Variants in KRABD5 observed in about 807,000 individuals in gnomAD.
KRABD5 encodes KRAB domain containing 5.
the KRABD5 span, chr16:31,722,892 G>T: frequency 3.9e-6 from 4 of 1,029,080 alleles, no homozygotes; most frequent in Non-Finnish European, 5.3e-6. Context: ...AAAATTGTGG[G>T]TTTGTTGTAG....
chr16:31,723,136 C>T, the KRABD5 span: 5 of 1,049,316 alleles, frequency 4.8e-6, no homozygotes, highest in African/African-American at 8.3e-5. Flanking sequence ...TGACAGGAAA[C>T]AGTATTTGGG....
chr16:31,733,547 C>G, the KRABD5 span: 1 of 456,172 alleles, frequency 2.2e-6, no homozygotes. Flanking sequence ...ACAAATTGTC[C>G]TTTCCACACT....
At chr16:31,749,705 CCT>C in the KRABD5 span, among the ~76,000 whole-genome samples, 2 of 152,198 alleles carry the variant, frequency 1.3e-5, no homozygotes, top group Non-Finnish European at 2.9e-5. Context: ...GCTCTCCTCC[CCT>C]GTGTGGCTCT....
the KRABD5 span, chr16:31,723,128 A>G: frequency 1.0e-6 from 1 of 988,534 alleles, no homozygotes; most frequent in Non-Finnish European, 1.5e-6. Context: ...AAAGAAGCTG[A>G]CAGGAAACAG....
the KRABD5 span, among the ~76,000 whole-genome samples, chr16:31,746,564 G>A: frequency 8.5e-5 from 13 of 152,086 alleles, no homozygotes; most frequent in Admixed American, 6.6e-4. Flanking sequence ...CCTTCATTTC[G>A]ACCTTGGAGA....
chr16:31,718,179 T>G, the KRABD5 span, among the ~76,000 whole-genome samples: 1 of 152,144 alleles, frequency 6.6e-6, no homozygotes, highest in Non-Finnish European at 1.5e-5. Context: ...TAGCTCCAAA[T>G]GTTGAACCCA....
At chr16:31,728,354 T>C in the KRABD5 span, among the ~76,000 whole-genome samples, 1 of 152,162 alleles carries the variant, frequency 6.6e-6, no homozygotes, top group African/African-American at 2.4e-5. Context: ...ATTTTGTTCA[T>C]GTTCAAGTTT....
the KRABD5 span, among the ~76,000 whole-genome samples, chr16:31,734,133 A>ATG: frequency 6.6e-6 from 1 of 151,878 alleles, no homozygotes; most frequent in African/African-American, 2.4e-5. Flanking sequence ...AATTATATAT[A>ATG]TGTGTGTGTG....
the KRABD5 span, among the ~76,000 whole-genome samples, chr16:31,721,924 T>G: frequency 6.6e-6 from 1 of 152,236 alleles, no homozygotes; most frequent in Non-Finnish European, 1.5e-5. Context: ...CTGCAGTTTA[T>G]TGCTGAACAC....
chr16:31,752,144 T>TA, the KRABD5 span, among the ~76,000 whole-genome samples: 1 of 152,248 alleles, frequency 6.6e-6, no homozygotes, highest in African/African-American at 2.4e-5. Context: ...TTTTTCTTTT[T>TA]AATTTATTGA....
At chr16:31,741,116 A>G in the KRABD5 span, among the ~76,000 whole-genome samples, 213 of 152,232 alleles carry the variant, frequency 1.4e-3, no homozygotes, top group Middle Eastern at 0.014. Context: ...TAACAGCTGC[A>G]TCCATGTTGT....
chr16:31,742,146 C>A, the KRABD5 span, among the ~76,000 whole-genome samples: 3 of 149,872 alleles, frequency 2.0e-5, no homozygotes, highest in Non-Finnish European at 4.4e-5. Context: ...TTCCATCGGT[C>A]TGTGTGTCCT....
the KRABD5 span, among the ~76,000 whole-genome samples, chr16:31,734,013 C>A: frequency 6.6e-6 from 1 of 152,212 alleles, no homozygotes; most frequent in Non-Finnish European, 1.5e-5. Context: ...CATGACCAAG[C>A]TTTCCACTTC....
the KRABD5 span, among the ~76,000 whole-genome samples, chr16:31,726,902 C>T: frequency 6.6e-6 from 1 of 152,104 alleles, no homozygotes; most frequent in African/African-American, 2.4e-5. Flanking sequence ...ATTAATTTTT[C>T]CAGTCCATGA....
the KRABD5 span, among the ~76,000 whole-genome samples, chr16:31,738,680 A>T: frequency 6.6e-6 from 1 of 152,150 alleles, no homozygotes; most frequent in Non-Finnish European, 1.5e-5. Flanking sequence ...TAAAGTAATT[A>T]CTGAAAGGTA....
At chr16:31,723,277 G>T in the KRABD5 span, 1 of 1,613,754 alleles carries the variant, frequency 6.2e-7, no homozygotes, top group South Asian at 1.1e-5. Flanking sequence ...TCTCTAAGCC[G>T]GACCTGATCA....
chr16:31,744,455 C>G, the KRABD5 span, among the ~76,000 whole-genome samples: 2 of 152,094 alleles, frequency 1.3e-5, no homozygotes, highest in African/African-American at 4.8e-5. Context: ...GAACCAACCT[C>G]ACATCCCAGG....
chr16:31,748,295 A>G, the KRABD5 span, among the ~76,000 whole-genome samples: 4 of 152,262 alleles, frequency 2.6e-5, no homozygotes, highest in Middle Eastern at 3.4e-3. Context: ...AAGATCAGAT[A>G]GTTGTAGATA....
At chr16:31,714,161 T>C in the KRABD5 span, among the ~76,000 whole-genome samples, 2 of 152,228 alleles carry the variant, frequency 1.3e-5, no homozygotes, top group African/African-American at 2.4e-5. Context: ...TGCCAAATGT[T>C]ATGAGACAGG....
Sources: gnomAD v4.1 joint callset for allele counts (sites outside exome capture counted in the v4.1 genomes callset) on GRCh38, gnomAD v4.1.1 for gene constraint, MANE v1.5 for transcripts, NCBI Gene and HGNC (gene_info 2026-07-23, HGNC 2026-07-21) for gene names.